The following TMOD3 variants were observed in gnomAD, a reference collection of about 807,000 sequenced individuals.
The protein encoded by TMOD3 is tropomodulin-3.
TMOD3 carries 20 observed loss-of-function variants against 39.2 expected under a neutral mutation model. That is an observed-to-expected ratio of 0.51 (90% CI 0.36 to 0.74). TMOD3 has a LOEUF of 0.74. Ranked by LOEUF, TMOD3 falls within the 30% of genes least tolerant of loss-of-function variation. The pLI, the probability that TMOD3 is intolerant of heterozygous loss-of-function variation, is 0.00. For missense variants in TMOD3, 381 were observed against 412.8 expected, an observed-to-expected ratio of 0.92 and a Z score of 0.67; for synonymous variants, 143 against 145.8, an observed-to-expected ratio of 0.98 and a Z score of 0.14.
At chr15:51,852,342 G>A (rs567679066) in intron 1 of TMOD3, among the ~76,000 whole-genome samples, 26 of 152,052 alleles carry the variant, frequency 1.7e-4, no homozygotes, top group South Asian at 1.0e-3. Context: ...TAAGCCTAGC[G>A]CAACTGAAGA....
intron 3 of TMOD3, among the ~76,000 whole-genome samples, chr15:51,886,012 C>G (rs1482881682): frequency 6.6e-6 from 1 of 151,224 alleles, no homozygotes; most frequent in Non-Finnish European, 1.5e-5. Flanking sequence ...CGGAGACGCT[C>G]CTCACTTCCC....
At chr15:51,875,857 A>T (rs1379691968) in intron 3 of TMOD3, among the ~76,000 whole-genome samples, 1 of 151,922 alleles carries the variant, frequency 6.6e-6, no homozygotes, top group Non-Finnish European at 1.5e-5. Context: ...TGACCTCGTG[A>T]TCCACCCACC....
chr15:51,833,931 G>T (rs2056268367), intron 1 of TMOD3, among the ~76,000 whole-genome samples: 1 of 152,128 alleles, frequency 6.6e-6, no homozygotes, highest in African/African-American at 2.4e-5. Flanking sequence ...CGTATTTTTA[G>T]TGTTGCCAAT....
At chr15:51,859,699 C>T (rs1488749358) in intron 1 of TMOD3, 3 of 484,218 alleles carry the variant, frequency 6.2e-6, no homozygotes, top group Non-Finnish European at 1.2e-5. Context: ...CAGAGTCTTC[C>T]TCAAAAAGCA....
intron 1 of TMOD3, among the ~76,000 whole-genome samples, chr15:51,862,098 T>C (rs2570250): frequency 0.049 from 7,428 of 152,208 alleles, 421 homozygotes; most frequent in African/African-American, 0.12. Context: ...AGAGCTACTA[T>C]TAACCTGCTT....
chr15:51,867,167 A>AT, intron 2 of TMOD3, among the ~76,000 whole-genome samples: 1 of 152,312 alleles, frequency 6.6e-6, no homozygotes, highest in African/African-American at 2.4e-5. Context: ...GTGGTGAAGG[A>AT]TAAAAAATAT....
chr15:51,897,728 C>T (rs1026415191), intron 7 of TMOD3, among the ~76,000 whole-genome samples: 2 of 149,540 alleles, frequency 1.3e-5, no homozygotes, highest in Admixed American at 6.6e-5. Context: ...TGTGATCCGC[C>T]CACCTCAACC....
chr15:51,886,422 C>T (rs190097932), intron 3 of TMOD3, among the ~76,000 whole-genome samples: 4 of 152,338 alleles, frequency 2.6e-5, no homozygotes, highest in African/African-American at 7.2e-5. Flanking sequence ...CCCGGCACCT[C>T]GGGAGGCCGA....
intron 3 of TMOD3, among the ~76,000 whole-genome samples, chr15:51,879,856 T>TTACACACACA (rs3985813): frequency 3.5e-5 from 5 of 142,558 alleles, no homozygotes; most frequent in Admixed American, 7.1e-5. Context: ...TCTCTGTCTT[T>TTACACACACA]CACACACACA....
chr15:51,912,618 C>G lies in TMOD3; in HGVS notation c.*3808C>G, dbSNP rs1010690786. 6.6e-6 allele frequency: 1 copy of G among 152,242 alleles called. No individual in the cohort carries two copies. The highest frequency in any genetic ancestry group is 2.4e-5 in the African/African-American group (1 of 41,544). The allele number at this position is 152,242 out of a possible 1,614,324, so 9.4% of individuals were successfully genotyped here. A position where few individuals can be genotyped will look rare whatever the true frequency, so the allele number is the denominator to read the frequency against. ...AAAACTAGGAACCACTGTTAACCTCCCAGCAGATGCAAGGATCATGCTTTC... is the reference window on the plus strand; with the variant it reads ...AAAACTAGGAACCACTGTTAACCTCGCAGCAGATGCAAGGATCATGCTTTC... On this transcript the variant is annotated 3_prime_UTR_variant, in exon 10 of 10. Transcript: ENST00000308580.
intron 1 of TMOD3, among the ~76,000 whole-genome samples, chr15:51,835,536 T>G (rs1202817790): frequency 6.6e-6 from 1 of 152,226 alleles, no homozygotes; most frequent in Admixed American, 6.5e-5. Flanking sequence ...CTTGAACTCC[T>G]GAGCTCAAGC....
chr15:51,853,890 T>C (rs1183134829), intron 1 of TMOD3, among the ~76,000 whole-genome samples: 1 of 151,808 alleles, frequency 6.6e-6, no homozygotes, highest in Non-Finnish European at 1.5e-5. Context: ...TCAGGGAAGA[T>C]AGGACATTTT....
intron 1 of TMOD3, chr15:51,833,448 T>C (rs1034336630): frequency 5.3e-5 from 8 of 152,258 alleles, no homozygotes; most frequent in African/African-American, 1.9e-4. Flanking sequence ...CTGACAATTG[T>C]ATACACTGTA....
intron 3 of TMOD3, among the ~76,000 whole-genome samples, chr15:51,882,375 A>G (rs1292640138): frequency 1.3e-5 from 2 of 151,596 alleles, no homozygotes; most frequent in Non-Finnish European, 2.9e-5. Context: ...CCCATCTACT[A>G]GTAGTCCCAG....
chr15:51,899,861 G>A lies in TMOD3; in HGVS notation c.736-294G>A, dbSNP rs192907196. 1.7e-3 allele frequency among the ~76,000 whole-genome samples: 259 copies of A among 152,262 alleles called. 1 individual carries two copies. Among genetic ancestry groups the A allele is most frequent in the Middle Eastern group, 3.4e-3 (1 of 294 alleles). On this transcript the variant is annotated intron_variant, in intron 7 of 9. Coordinates refer to ENST00000308580, the MANE Select transcript of TMOD3 (RefSeq NM_014547.5). The stretch of plus-strand genomic sequence containing the variant: ...TATTAGGTATATTAAGTAACCTAGA[G>A]GTAATGAAAAGTATACAGGAGCATG...
rs35483886 is a variant in TMOD3, at chr15:51,869,336, C to T, written c.246C>T (p.Asp82=). ...YLEKEALEHK[D]REDYVPYTGE... is the part of the protein sequence containing the mutation. ...AGAAAGAAGCATTGGAGCATAAAGA[C>T]AGGGAAGACTATGTGCCCTACACTG... Residue 82 remains aspartate (D), a synonymous_variant, in exon 3 of 10, where the codon GAC becomes GAT. Coordinates refer to ENST00000308580, the MANE Select transcript of TMOD3 (RefSeq NM_014547.5). 1.9e-4 allele frequency: 304 copies of T among 1,613,972 alleles called. No homozygotes were observed. The African/African-American group carries it at 3.4e-3, about 18-fold the overall frequency.
chr15:51,896,561 CA>C (rs1163935127), intron 7 of TMOD3, 35 bp downstream of exon 7: 1 of 1,504,160 alleles, frequency 6.6e-7, no homozygotes, highest in African/African-American at 1.4e-5. Context: ...AAAATTATGA[CA>C]TGCCCAGGGT....
At chr15:51,905,129 CAT>C (rs1269108584) in intron 9 of TMOD3, among the ~76,000 whole-genome samples, 1 of 152,236 alleles carries the variant, frequency 6.6e-6, no homozygotes, top group African/African-American at 2.4e-5. Flanking sequence ...AGAACTGACT[CAT>C]ATCATGATGC....
At chr15:51,851,768 C>G (rs766873328) in intron 1 of TMOD3, among the ~76,000 whole-genome samples, 2 of 152,058 alleles carry the variant, frequency 1.3e-5, no homozygotes, top group African/African-American at 2.4e-5. Flanking sequence ...TGTTTTTATC[C>G]CCTACAGCCA....
Sources: allele counts gnomAD v4.1 joint callset (sites outside exome capture counted in the v4.1 genomes callset), GRCh38; gene constraint gnomAD v4.1.1; transcripts MANE v1.5; gene names NCBI Gene and HGNC (gene_info 2026-07-23, HGNC 2026-07-21).